Variants in KCNN2 observed in about 807,000 individuals in gnomAD.
KCNN2 encodes the protein potassium calcium-activated channel subfamily N member 2.
In KCNN2, 24 loss-of-function variants were observed where a neutral mutation model predicts 55.5. The observed-to-expected ratio is 0.43, with a 90% confidence interval of 0.31 to 0.61. The LOEUF (loss-of-function observed/expected upper bound fraction) is 0.61, where lower values mean the gene tolerates loss of function less well. Among genes scored for constraint, KCNN2 ranks in the 20% least tolerant of loss-of-function variants. The pLI is 0.08. For missense variants in KCNN2, 754 were observed against 853.6 expected (o/e 0.88, Z 1.45); for synonymous variants, 431 against 336.1 (o/e 1.28, Z -3.09).
chr5:114,220,600 C>T (rs1012299550), intron 1 of KCNN2, among the ~76,000 whole-genome samples: 3 of 151,720 alleles, frequency 2.0e-5, no homozygotes, highest in Admixed American at 6.6e-5. Flanking sequence ...AGACTTAATA[C>T]GAGGATTAGC....
intron 3 of KCNN2, among the ~76,000 whole-genome samples, chr5:114,441,096 A>G (rs972934533): frequency 8.5e-5 from 13 of 152,206 alleles, no homozygotes; most frequent in African/African-American, 3.1e-4. Flanking sequence ...GGAATAAAAA[A>G]AGATCACTAC....
chr5:114,362,916 C>T lies in KCNN2; in HGVS notation c.777C>T (p.Ser259=), dbSNP rs1464175113. 1 of 1,583,450 alleles carries T rather than the reference C, an allele frequency of 6.3e-7. No individual in the cohort carries two copies. The highest frequency in any genetic ancestry group is 8.5e-7 in the Non-Finnish European group (1 of 1,173,960). Reference sequence around the variant, plus strand: ...CTGTCGGAGGAGGTGGCGGCGCGTCCTCCCCGTCTGCAGCCGCTGCCGCCG... The same window carrying T: ...CTGTCGGAGGAGGTGGCGGCGCGTCTTCCCCGTCTGCAGCCGCTGCCGCCG... ...PASVGGGGGA[S]SPSAAAAAAA... Residue 259 remains serine (S), a synonymous_variant, in exon 1 of 8, where the codon TCC becomes TCT. Coordinates refer to ENST00000673685, the MANE Select transcript of KCNN2 (RefSeq NM_021614.4).
intron 2 of KCNN2, among the ~76,000 whole-genome samples, chr5:114,277,185 A>G (rs1420320558): frequency 2.0e-5 from 3 of 152,178 alleles, no homozygotes; most frequent in Non-Finnish European, 4.4e-5. Flanking sequence ...TCTGGCTTGT[A>G]GGGTTTCTGC....
At chr5:114,374,099 C>G (rs1370975272) in intron 2 of KCNN2, among the ~76,000 whole-genome samples, 1 of 152,044 alleles carries the variant, frequency 6.6e-6, no homozygotes, top group African/African-American at 2.4e-5. Flanking sequence ...ACAGTTTGCA[C>G]CAAAATGGCC....
intron 1 of KCNN2, among the ~76,000 whole-genome samples, chr5:114,139,849 C>T (rs867288228): frequency 4.0e-5 from 6 of 151,482 alleles, no homozygotes; most frequent in Admixed American, 2.0e-4. Context: ...TTAAATGGAA[C>T]GACAATTAAA....
rs562055878 is a variant in KCNN2 at position 114,450,421 on chromosome 5, T to A, written c.1638-12628T>A. ...TGAATGAATAGAGGTTGCCCCGCAA[T>A]GTTTAAATATCCACTGGTCTGGAAG... On this transcript the variant is annotated intron_variant, in intron 3 of 7. Coordinates refer to ENST00000673685, the MANE Select transcript of KCNN2 (RefSeq NM_021614.4). Among the ~76,000 whole-genome samples the A allele has an allele frequency of 5.9e-5, 9 of 152,222 alleles. No homozygotes were observed. In the South Asian group the frequency reaches 1.9e-3, roughly 32 times the overall value.
At chr5:114,361,315 C>T (rs1254479258), upstream of KCNN2, among the ~76,000 whole-genome samples, 1 of 152,124 alleles carries the variant, frequency 6.6e-6, no homozygotes, top group African/African-American at 2.4e-5. Flanking sequence ...CCGCAGCGCA[C>T]TTGGGCTAGA....
intron 1 of KCNN2, among the ~76,000 whole-genome samples, chr5:114,192,119 C>A (rs1035878557): frequency 3.9e-5 from 6 of 152,174 alleles, no homozygotes; most frequent in African/African-American, 1.4e-4. Flanking sequence ...TTCTAATGGA[C>A]ATTGCCAGCT....
chr5:114,168,541 T>C (rs1752966007), intron 1 of KCNN2, among the ~76,000 whole-genome samples: 1 of 152,108 alleles, frequency 6.6e-6, no homozygotes, highest in Non-Finnish European at 1.5e-5. Context: ...TAGAGTCATT[T>C]GCAGTAAATT....
intron 3 of KCNN2, among the ~76,000 whole-genome samples, chr5:114,421,405 C>T (rs1759466980): frequency 6.6e-6 from 1 of 152,134 alleles, no homozygotes; most frequent in Non-Finnish European, 1.5e-5. Context: ...ATTCTCCTGC[C>T]TCAGCCTCCC....
At chr5:114,247,104 G>A (rs1181263138) in intron 2 of KCNN2, among the ~76,000 whole-genome samples, 1 of 146,388 alleles carries the variant, frequency 6.8e-6, no homozygotes, top group East Asian at 2.1e-4. Context: ...GGGAGCTCGA[G>A]ATCAGCGTGA....
At chr5:114,278,489 GC>G (rs1755540366) in intron 2 of KCNN2, among the ~76,000 whole-genome samples, 1 of 152,252 alleles carries the variant, frequency 6.6e-6, no homozygotes. Flanking sequence ...GCCTTGCTGA[GC>G]TGCAGTGGGC....
At position 114,161,440 on chromosome 5, in the gene KCNN2, T is replaced by C. The variant is rs1229058664; in HGVS notation, c.-270-60040T>C. Among the ~76,000 whole-genome samples, 4 of 147,352 alleles carry C rather than the reference T, an allele frequency of 2.7e-5. No homozygotes were observed. The East Asian group carries it at 6.1e-4, about 22-fold the overall frequency. ...CTCTCTGGCTGTCCTTAACATTTTT[T>C]CCTTCATTTCAACTTTGGTGAATCT... On this transcript the variant is annotated intron_variant, in intron 1 of 10. Coordinates refer to the KCNN2 transcript ENST00000512097.
intron 4 of KCNN2, 41 bp downstream of exon 4, chr5:114,463,231 A>G: frequency 6.4e-7 from 1 of 1,565,398 alleles, no homozygotes; most frequent in South Asian, 1.2e-5. Context: ...ATTTACGCTC[A>G]AGAAGGCACT....
chr5:114,450,294 C>A (rs1315492298), intron 3 of KCNN2, among the ~76,000 whole-genome samples: 2 of 152,200 alleles, frequency 1.3e-5, no homozygotes, highest in Non-Finnish European at 2.9e-5. Flanking sequence ...GTAAGGGAAT[C>A]TTTGGGCCTG....
chr5:114,330,889 C>T (rs918706538), intron 2 of KCNN2, among the ~76,000 whole-genome samples: 3 of 152,114 alleles, frequency 2.0e-5, no homozygotes, highest in Non-Finnish European at 4.4e-5. Context: ...TATATCTCAA[C>T]TGAATGCAAA....
At chr5:114,206,704 C>T (rs1753783923) in intron 1 of KCNN2, among the ~76,000 whole-genome samples, 1 of 152,040 alleles carries the variant, frequency 6.6e-6, no homozygotes, top group African/African-American at 2.4e-5. Flanking sequence ...ACAGTCAGAG[C>T]AGCCTTCCTG....
At chr5:114,283,223 C>T (rs1327892034) in intron 2 of KCNN2, among the ~76,000 whole-genome samples, 1 of 152,090 alleles carries the variant, frequency 6.6e-6, no homozygotes, top group East Asian at 1.9e-4. Context: ...GTTATCCTCT[C>T]CCATGTGTGT....
intron 2 of KCNN2, among the ~76,000 whole-genome samples, chr5:114,225,807 A>G (rs548080177): frequency 6.6e-6 from 1 of 152,244 alleles, no homozygotes; most frequent in Non-Finnish European, 1.5e-5. Context: ...CTACATTAGC[A>G]TTTAAGTATG....
Sources: gnomAD v4.1 joint callset for allele counts (sites outside exome capture counted in the v4.1 genomes callset) on GRCh38, gnomAD v4.1.1 for gene constraint, MANE v1.5 for transcripts, NCBI Gene and HGNC (gene_info 2026-07-23, HGNC 2026-07-21) for gene names.